Variants in RABGAP1L observed in about 807,000 individuals in gnomAD.
RABGAP1L encodes RAB GTPase activating protein 1 like.
A neutral mutation model predicts 137.7 loss-of-function variants in RABGAP1L; 63 were observed. The ratio of observed to expected loss-of-function variants is 0.46; its 90% CI spans 0.37 to 0.56. RABGAP1L has a LOEUF of 0.56. Ranked by LOEUF, RABGAP1L falls within the 20% of genes least tolerant of loss-of-function variation. RABGAP1L has a pLI of 0.00. For synonymous variants in RABGAP1L, 431 were observed against 433.7 expected, an observed-to-expected ratio of 0.99 and a Z score of 0.08; for missense variants, 1,095 against 1,244.0, an observed-to-expected ratio of 0.88 and a Z score of 1.80.
intron 19 of RABGAP1L, among the ~76,000 whole-genome samples, chr1:174,912,055 G>T (rs1345272035): frequency 6.6e-6 from 1 of 152,120 alleles, no homozygotes; most frequent in Non-Finnish European, 1.5e-5. Context: ...TCTATAAGTG[G>T]CTAGGATGTA....
chr1:174,941,474 T>C (rs1665861483), intron 19 of RABGAP1L, among the ~76,000 whole-genome samples: 1 of 152,220 alleles, frequency 6.6e-6, no homozygotes, highest in African/African-American at 2.4e-5. Flanking sequence ...CAGGTTCCTC[T>C]GGCACATGAA....
chr1:174,636,371 C>A lies in RABGAP1L; in HGVS notation c.1711-1004C>A, dbSNP rs58724603. Among the ~76,000 whole-genome samples, 911 of 151,442 alleles carry A rather than the reference C, an allele frequency of 6.0e-3. 10 individuals carry two copies. Among genetic ancestry groups the A allele is most frequent in the African/African-American group, 0.02 (837 of 41,316 alleles). The stretch of plus-strand genomic sequence containing the variant: ...CATCTCTACTAAAAATACACACACA[C>A]AAAAAAAATAGCTGGGCGTGGTGGC... On this transcript the variant is annotated intron_variant, in intron 13 of 25. Coordinates refer to ENST00000681986, the MANE Select transcript of RABGAP1L (RefSeq NM_001366446.1).
intron 12 of RABGAP1L, among the ~76,000 whole-genome samples, chr1:174,377,726 A>C (rs898560290): frequency 2.6e-5 from 4 of 151,466 alleles, no homozygotes; most frequent in African/African-American, 9.7e-5. Flanking sequence ...AAGAATGTGG[A>C]GACATTGAAA....
chr1:174,711,188 A>G (rs1017710069), intron 17 of RABGAP1L, among the ~76,000 whole-genome samples: 4 of 151,936 alleles, frequency 2.6e-5, no homozygotes, highest in African/African-American at 9.7e-5. Context: ...CGCAAGTGCC[A>G]TGTACAGCCC....
chr1:174,634,926 T>G (rs1475845366), intron 13 of RABGAP1L, among the ~76,000 whole-genome samples: 1 of 145,756 alleles, frequency 6.9e-6, no homozygotes, highest in Non-Finnish European at 1.5e-5. Flanking sequence ...GAGATATACC[T>G]AATGCTAGAT....
intron 19 of RABGAP1L, among the ~76,000 whole-genome samples, chr1:174,843,294 G>A (rs1693633901): frequency 7.1e-6 from 1 of 140,956 alleles, no homozygotes; most frequent in Admixed American, 7.3e-5. Flanking sequence ...AGTTACATAT[G>A]TATACATGTG....
Position 174,811,872 on chromosome 1 carries a change from CTTTAAAGTTCT to C in RABGAP1L, c.2255_2265del (p.Leu752Ter), listed in dbSNP as rs1415678608. 6.2e-7 allele frequency: 1 copy of C among 1,605,660 alleles called. No homozygotes were observed. Among genetic ancestry groups the C allele is most frequent in the African/African-American group, 1.3e-5 (1 of 74,666 alleles). On this transcript the variant is annotated frameshift_variant, in exon 19 of 26. Transcript: ENST00000681986. LOFTEE classifies it high-confidence loss of function. Reference sequence around the variant, plus strand: ...CTTCTGCAGGCTGATTTTGAAGGTGCTTTAAAGTTCTTTAGAGTTCAGCTTCCAAAGAGATA... The same window carrying C: ...CTTCTGCAGGCTGATTTTGAAGGTGCTTAGAGTTCAGCTTCCAAAGAGATA...
chr1:174,793,633 A>T (rs1267202966), intron 18 of RABGAP1L, among the ~76,000 whole-genome samples: 1 of 152,218 alleles, frequency 6.6e-6, no homozygotes, highest in African/African-American at 2.4e-5. Flanking sequence ...CCTTAAAGTT[A>T]GAAAGCAGCA....
At chr1:174,174,689 A>G (rs1277077127) in intron 1 of RABGAP1L, among the ~76,000 whole-genome samples, 1 of 152,200 alleles carries the variant, frequency 6.6e-6, no homozygotes, top group Admixed American at 6.5e-5. Context: ...CTGGAGTCCA[A>G]AGGCTGGAGA....
intron 20 of RABGAP1L, among the ~76,000 whole-genome samples, chr1:174,967,425 C>A (rs1257233264): frequency 6.6e-6 from 1 of 150,808 alleles, no homozygotes; most frequent in Non-Finnish European, 1.5e-5. Context: ...GCAAGCTCTG[C>A]CTTTCAGGTT....
At chr1:174,259,097 G>T (rs941991757) in intron 7 of RABGAP1L, among the ~76,000 whole-genome samples, 18 of 146,774 alleles carry the variant, frequency 1.2e-4, no homozygotes, top group African/African-American at 4.5e-4. Flanking sequence ...CCAATATTCT[G>T]TTTTTTTTTT....
intron 19 of RABGAP1L, among the ~76,000 whole-genome samples, chr1:174,912,447 A>G (rs1417554715): frequency 2.0e-5 from 3 of 152,182 alleles, no homozygotes; most frequent in Non-Finnish European, 2.9e-5. Context: ...CACCCAGCCA[A>G]TTTCACAAAG....
intron 13 of RABGAP1L, among the ~76,000 whole-genome samples, chr1:174,414,479 A>G (rs2901817): frequency 0.35 from 53,488 of 151,940 alleles, 12,076 homozygotes; most frequent in African/African-American, 0.64. Flanking sequence ...CTGTCCTACT[A>G]TATAGGATCC....
chr1:174,375,377 T>C (rs1685436103), intron 12 of RABGAP1L, among the ~76,000 whole-genome samples: 1 of 151,710 alleles, frequency 6.6e-6, no homozygotes, highest in Non-Finnish European at 1.5e-5. Context: ...CAGAAATAAA[T>C]GGAATTGAGA....
chr1:174,596,126 G>C (rs923957340), intron 13 of RABGAP1L, among the ~76,000 whole-genome samples: 5 of 135,478 alleles, frequency 3.7e-5, no homozygotes, highest in Non-Finnish European at 6.1e-5. Context: ...TTCCAGGTGC[G>C]TCCGTCACCC....
intron 13 of RABGAP1L, among the ~76,000 whole-genome samples, chr1:174,432,594 A>G (rs193268162): frequency 2.6e-5 from 4 of 152,070 alleles, no homozygotes; most frequent in African/African-American, 7.2e-5. Flanking sequence ...CTGGAGTGCA[A>G]TGGCATGATC....
chr1:174,809,196 C>T (rs1203853687), intron 18 of RABGAP1L, among the ~76,000 whole-genome samples: 1 of 152,206 alleles, frequency 6.6e-6, no homozygotes, highest in East Asian at 1.9e-4. Flanking sequence ...CTCTTCTCTT[C>T]TTGAGCTTAA....
At chr1:174,521,807 G>A (rs1205392767) in intron 13 of RABGAP1L, among the ~76,000 whole-genome samples, 2 of 152,152 alleles carry the variant, frequency 1.3e-5, no homozygotes, top group East Asian at 3.8e-4. Flanking sequence ...GTGGCTGGGT[G>A]CGGTGGCTCA....
At chr1:174,738,121 T>A (rs1683102529) in intron 17 of RABGAP1L, among the ~76,000 whole-genome samples, 1 of 152,072 alleles carries the variant, frequency 6.6e-6, no homozygotes, top group Non-Finnish European at 1.5e-5. Flanking sequence ...GGATTGGAAG[T>A]TAGGAGATGT....
Sources: allele counts gnomAD v4.1 joint callset (sites outside exome capture counted in the v4.1 genomes callset), GRCh38; gene constraint gnomAD v4.1.1; transcripts MANE v1.5; gene names NCBI Gene and HGNC (gene_info 2026-07-23, HGNC 2026-07-21).